The following CSMD3 variants were observed in gnomAD, a reference collection of about 807,000 sequenced individuals.
CSMD3 encodes CUB and Sushi multiple domains 3.
CSMD3 carries 177 observed loss-of-function variants against 435.2 expected under a neutral mutation model. The observed-to-expected ratio is 0.41, with a 90% CI of 0.36 to 0.46. CSMD3 has a LOEUF of 0.46. Among genes scored for constraint, CSMD3 ranks in the 20% least tolerant of loss-of-function variants. The pLI is 0.34. For missense variants in CSMD3, 4,265 were observed against 4,504.6 expected, an observed-to-expected ratio of 0.95 and a Z score of 1.52; for synonymous variants, 1,656 against 1,520.5, an observed-to-expected ratio of 1.09 and a Z score of -2.07.
chr8:112,767,004 A>G (rs7826001), intron 13 of CSMD3, among the ~76,000 whole-genome samples: 50,482 of 151,654 alleles, frequency 0.33, 9,262 homozygotes, highest in African/African-American at 0.5. Flanking sequence ...ATAACTGACT[A>G]TGCATCAGGG....
chr8:113,111,263 C>A (rs911710260), intron 4 of CSMD3, among the ~76,000 whole-genome samples: 2 of 151,914 alleles, frequency 1.3e-5, no homozygotes, highest in African/African-American at 2.4e-5. Flanking sequence ...TGGGGTACAG[C>A]GTGATGTTTT....
intron 12 of CSMD3, among the ~76,000 whole-genome samples, chr8:112,818,266 T>C (rs1451766084): frequency 6.6e-6 from 1 of 152,136 alleles, no homozygotes; most frequent in Non-Finnish European, 1.5e-5. Context: ...AAGTGATATA[T>C]TATGTGTTTA....
chr8:112,268,524 C>A (rs1817168636), intron 59 of CSMD3, among the ~76,000 whole-genome samples: 1 of 152,124 alleles, frequency 6.6e-6, no homozygotes, highest in African/African-American at 2.4e-5. Context: ...ACAGGATTCA[C>A]TTTTTTATTC....
intron 1 of CSMD3, among the ~76,000 whole-genome samples, chr8:113,405,722 A>G (rs1437998796): frequency 2.0e-5 from 3 of 151,792 alleles, no homozygotes; most frequent in Admixed American, 6.6e-5. Flanking sequence ...TGAGCAAATT[A>G]TAAGCAAAGG....
intron 3 of CSMD3, among the ~76,000 whole-genome samples, chr8:113,271,025 G>T (rs2093520857): frequency 6.6e-6 from 1 of 151,630 alleles, no homozygotes; most frequent in Non-Finnish European, 1.5e-5. Flanking sequence ...CTGCCCTAGA[G>T]ATGTGTGGAA....
chr8:113,419,933 CA>C (rs2094601873), intron 1 of CSMD3, among the ~76,000 whole-genome samples: 1 of 152,000 alleles, frequency 6.6e-6, no homozygotes, highest in Admixed American at 6.6e-5. Flanking sequence ...AAAAATGTCA[CA>C]AATATCTAAT....
intron 4 of CSMD3, among the ~76,000 whole-genome samples, chr8:113,121,340 A>T (rs1312942365): frequency 6.6e-6 from 1 of 152,042 alleles, no homozygotes; most frequent in Non-Finnish European, 1.5e-5. Flanking sequence ...TGGCGTGCTA[A>T]TGCTTCCAGT....
intron 13 of CSMD3, among the ~76,000 whole-genome samples, chr8:112,769,404 C>T (rs971519576): frequency 8.6e-5 from 13 of 151,926 alleles, no homozygotes; most frequent in African/African-American, 3.1e-4. Context: ...ACTGTTAAGG[C>T]CATGAGATCC....
chr8:112,615,258 A>G (rs551026927), intron 22 of CSMD3, among the ~76,000 whole-genome samples: 1 of 152,268 alleles, frequency 6.6e-6, no homozygotes, highest in East Asian at 1.9e-4. Context: ...GTCCGAATGC[A>G]TAGTGGATGA....
intron 7 of CSMD3, among the ~76,000 whole-genome samples, chr8:112,957,911 A>AT (rs1391207754): frequency 2.0e-5 from 3 of 151,766 alleles, no homozygotes; most frequent in Admixed American, 6.6e-5. Flanking sequence ...GCGCCCAGAT[A>AT]TTTTTTGTAT....
chr8:112,567,392 A>C (rs1178103263), intron 24 of CSMD3, among the ~76,000 whole-genome samples: 1 of 151,998 alleles, frequency 6.6e-6, no homozygotes, highest in Non-Finnish European at 1.5e-5. Flanking sequence ...TTTGTTCATA[A>C]CTTTCTTTTA....
intron 4 of CSMD3, among the ~76,000 whole-genome samples, chr8:113,164,638 A>T (rs2092114744): frequency 6.6e-6 from 1 of 152,102 alleles, no homozygotes; most frequent in Non-Finnish European, 1.5e-5. Context: ...TTTTGAAGGC[A>T]TCCAAGTTCC....
chr8:112,981,570 T>C lies in CSMD3; in HGVS notation c.1031-5422A>G, dbSNP rs2085054638. Among the ~76,000 whole-genome samples, 9 of 151,562 alleles carry C rather than the reference T, an allele frequency of 5.9e-5. No individual in the cohort carries two copies. In the Admixed American group the frequency reaches 5.9e-4, roughly 10 times the overall value. The stretch of plus-strand genomic sequence containing the variant: ...GGCCTTGATGAAATAATATGCAAAA[T>C]GAATGAATAAATAAATAATATATTT... On this transcript the variant is annotated intron_variant, in intron 6 of 70. Transcript: ENST00000297405.
chr8:112,994,317 A>G (rs1459621885), intron 6 of CSMD3, among the ~76,000 whole-genome samples: 3 of 151,734 alleles, frequency 2.0e-5, no homozygotes, highest in Non-Finnish European at 2.9e-5. Flanking sequence ...ACACACTACT[A>G]GCAGAAAGTG....
chr8:112,444,962 GC>G (rs1371495509), intron 32 of CSMD3, among the ~76,000 whole-genome samples: 1 of 152,120 alleles, frequency 6.6e-6, no homozygotes, highest in Admixed American at 6.5e-5. Flanking sequence ...GACATAGCAG[GC>G]CAATTGTGGT....
chr8:112,678,686 T>G (rs2075819713), intron 16 of CSMD3, among the ~76,000 whole-genome samples: 1 of 146,990 alleles, frequency 6.8e-6, no homozygotes, highest in African/African-American at 2.6e-5. Context: ...TTCTACCTTC[T>G]AATTTTAATA....
intron 38 of CSMD3, among the ~76,000 whole-genome samples, chr8:112,358,159 G>T (rs1268551224): frequency 6.6e-6 from 1 of 152,160 alleles, no homozygotes; most frequent in African/African-American, 2.4e-5. Flanking sequence ...TGCCCCATTT[G>T]ATTTTGAACT....
chr8:113,184,293 A>T (rs1451060099), intron 3 of CSMD3, among the ~76,000 whole-genome samples: 1 of 151,892 alleles, frequency 6.6e-6, no homozygotes, highest in Non-Finnish European at 1.5e-5. Flanking sequence ...TGAGGTGTTT[A>T]TGGAGGCTTT....
At chr8:112,431,669 C>A (rs966525328) in intron 32 of CSMD3, among the ~76,000 whole-genome samples, 5 of 152,114 alleles carry the variant, frequency 3.3e-5, no homozygotes, top group Non-Finnish European at 7.4e-5. Flanking sequence ...TCTACTCTCT[C>A]TACAAAGTGA....
Sources: allele counts gnomAD v4.1 joint callset (sites outside exome capture counted in the v4.1 genomes callset), GRCh38; gene constraint gnomAD v4.1.1; transcripts MANE v1.5; gene names NCBI Gene and HGNC (gene_info 2026-07-23, HGNC 2026-07-21).